The following LARGE2 variants were observed in gnomAD, a reference collection of about 807,000 sequenced individuals.
LARGE2 encodes LARGE xylosyl- and glucuronyltransferase 2.
Under a neutral mutation model 75.3 loss-of-function variants are expected in LARGE2, and 63 were observed. That is an observed-to-expected ratio of 0.84 (90% confidence interval 0.68 to 1.03). The LOEUF (loss-of-function observed/expected upper bound fraction) is 1.03. LARGE2 is among the 50% of genes least tolerant of loss of function. The pLI, the probability that LARGE2 is intolerant of heterozygous loss-of-function variation, is 0.00. For missense variants in LARGE2, 925 were observed against 980.6 expected, an observed-to-expected ratio of 0.94 and a Z score of 0.76; for synonymous variants, 428 against 420.1, an observed-to-expected ratio of 1.02 and a Z score of -0.23.
chr11:45,927,378 G>A lies in LARGE2; in HGVS notation c.1389G>A (p.Leu463=). 1 of 1,614,038 alleles carries A rather than the reference G, an allele frequency of 6.2e-7. No homozygotes were observed. The highest frequency in any genetic ancestry group is 8.5e-7 in the Non-Finnish European group (1 of 1,180,028). The change falls in exon 11 of 14, where the codon CTG becomes CTA. Residue 463 remains leucine, a synonymous_variant. Coordinates refer to ENST00000401752, the MANE Select transcript of LARGE2 (RefSeq NM_001300721.2). ...WPGPMSLALY[L]TDAEAQQFLH... ...GCCCCATGAGCCTGGCCTTGTACCT[G>A]ACAGACGCAGAAGCTCAGCAGTTCC...
Position 45,926,488 on chromosome 11 carries a change from A to T in LARGE2, c.1055A>T (p.His352Leu). 1.2e-6 allele frequency: 2 copies of T among 1,614,138 alleles called. No homozygotes were observed. The highest frequency in any genetic ancestry group is 1.7e-6 in the Non-Finnish European group (2 of 1,180,036). ...SPKKLRVKNK[H>L]VEFFRNFYLT... ...AAGAAGCTTCGGGTGAAGAACAAGCATGTGGAATTCTTCCGCAATTTCTAC... is the reference window on the plus strand; with the variant it reads ...AAGAAGCTTCGGGTGAAGAACAAGCTTGTGGAATTCTTCCGCAATTTCTAC... Residue 352 changes from histidine to leucine, a missense_variant, in exon 9 of 14, where the codon CAT (histidine) becomes CTT (leucine). By Grantham distance (99) the His-to-Leu change is moderately conservative. Around this residue, in one of 3 missense-constraint regions of LARGE2, gnomAD observed 469 missense variants for 503.8 expected, o/e 0.93. Coordinates refer to ENST00000401752, the MANE Select transcript of LARGE2 (RefSeq NM_001300721.2).
Position 45,928,967 on chromosome 11 carries a change from G to T in LARGE2, c.*122G>T. ...GGAAGGGCTGGGGCAGAGCATCTGT[G>T]GGGTGGGGTCTTCCCCTTGCTGCTA... On this transcript the variant is annotated 3_prime_UTR_variant, in exon 14 of 14. Coordinates refer to ENST00000401752, the MANE Select transcript of LARGE2 (RefSeq NM_001300721.2). The T allele has an allele frequency of 1.5e-6, 2 of 1,328,900 alleles. No homozygotes were observed. Among genetic ancestry groups the T allele is most frequent in the Non-Finnish European group, 2.1e-6 (2 of 972,104 alleles). The allele number at this position is 1,328,900 out of a possible 1,614,324, so 82.3% of individuals were successfully genotyped here. A position where few individuals can be genotyped will look rare whatever the true frequency, so the allele number is the denominator to read the frequency against.
chr11:45,924,769 T>C lies in LARGE2; in HGVS notation c.665-16T>C. The C allele has an allele frequency of 6.6e-7, 1 of 1,508,348 alleles. No individual in the cohort carries two copies. The highest frequency in any genetic ancestry group is 8.9e-7 in the Non-Finnish European group (1 of 1,124,544). 93.4% of individuals were successfully genotyped at this position (1,508,348 alleles called of 1,614,324 possible). On this transcript the variant is annotated splice_polypyrimidine_tract_variant and intron_variant, in intron 5 of 13. Coordinates refer to ENST00000401752, the MANE Select transcript of LARGE2 (RefSeq NM_001300721.2). ...GTGGCAGCTTCAGACAGCTCCCTTA[T>C]GCCCTCCCCTCCCAGACACGCAGGC...
chr11:45,928,853 C>T lies in LARGE2; in HGVS notation c.*8C>T, dbSNP rs771117752. The T allele has an allele frequency of 3.1e-6, 5 of 1,612,570 alleles. No individual in the cohort carries two copies. Among genetic ancestry groups the T allele is most frequent in the Non-Finnish European group, 4.2e-6 (5 of 1,179,730 alleles). On this transcript the variant is annotated 3_prime_UTR_variant, in exon 14 of 14. Transcript: ENST00000401752. ...AGCCCTGCCCGAGGCTGAGGCTGGG[C>T]CGGCGCTGCCCCTCATCTTAGCATT...
Position 45,928,243 on chromosome 11 carries a change from G to A in LARGE2, c.1821G>A (p.Pro607=), listed in dbSNP as rs200815481. The change falls in exon 13 of 14, where the codon CCG becomes CCA. Residue 607 remains proline, a synonymous_variant. Transcript: ENST00000401752. The stretch of plus-strand genomic sequence containing the variant: ...CCCGCTGGCGGGAGGCTCAGGCCCC[G>A]TACCGTGTGCAATGGGCGGCCAACT... The part of the protein sequence containing the change: ...DYARWREAQA[P]YRVQWAANYE... The A allele has an allele frequency of 2.6e-5, 42 of 1,613,984 alleles. No individual in the cohort carries two copies. Among genetic ancestry groups the A allele is most frequent in the East Asian group, 8.9e-5 (4 of 44,876 alleles).
chr11:45,923,272 T>C, intron 2 of LARGE2, 105 bp downstream of exon 2: 1 of 1,278,272 alleles, frequency 7.8e-7, no homozygotes, highest in Non-Finnish European at 1.0e-6. Flanking sequence ...TGTCCAGCAC[T>C]GGCCAGCCGG....
rs747783929 is a variant in LARGE2, at chr11:45,928,672, C to G, written c.1993C>G (p.Leu665Val). The change falls in exon 14 of 14, where the codon CTG becomes GTG. Residue 665 changes from leucine to valine, a missense_variant. Leu to Val is a conservative substitution (Grantham distance 32). This residue lies in a region of LARGE2 where 469 missense variants were observed against 503.8 expected (regional missense o/e 0.93). Coordinates refer to ENST00000401752, the MANE Select transcript of LARGE2 (RefSeq NM_001300721.2). Reference protein sequence around the residue: ...LVLPEAFTIHLPHAPSLDISR... With the variant: ...LVLPEAFTIHVPHAPSLDISR... ...GCTGCCCGAGGCCTTCACCATCCAT[C>G]TGCCCCACGCTCCAAGCCTGGACAT... 5.0e-6 allele frequency: 8 copies of G among 1,614,182 alleles called. No homozygotes were observed. The highest frequency in any genetic ancestry group is 6.8e-6 in the Non-Finnish European group (8 of 1,180,036).
intron 5 of LARGE2, 46 bp downstream of exon 5, chr11:45,924,723 C>T: frequency 6.4e-7 from 1 of 1,562,102 alleles, no homozygotes; most frequent in South Asian, 1.2e-5. Context: ...ATCCCTGCAT[C>T]CAGCCCTGAG....
chr11:45,924,411 G>T, intron 4 of LARGE2, 95 bp from the exon 5 acceptor site: 1 of 1,563,044 alleles, frequency 6.4e-7, no homozygotes, highest in Non-Finnish European at 8.6e-7. Flanking sequence ...CTCTTTTGGG[G>T]GTTTACCCCC....
chr11:45,922,256 G>A (rs1413356192), upstream of LARGE2, among the ~76,000 whole-genome samples: 1 of 152,170 alleles, frequency 6.6e-6, no homozygotes, highest in Non-Finnish European at 1.5e-5. Flanking sequence ...TGTCCCCAGA[G>A]CAGGTGTCCC....
At position 45,926,635 on chromosome 11, in the gene LARGE2, T is replaced by C. The variant is rs775371100; in HGVS notation, c.1164+38T>C. ...CACCTTCCCCTGCCCCTCTCTGCTT[T>C]GGTGGGACCCAGCCTTGTCTGGGGG... On this transcript the variant is annotated intron_variant, in intron 9 of 13. Coordinates refer to ENST00000401752, the MANE Select transcript of LARGE2 (RefSeq NM_001300721.2). 4 of 1,613,362 alleles carry C rather than the reference T, an allele frequency of 2.5e-6. No homozygotes were observed. The African/African-American group carries it at 5.3e-5, about 22-fold the overall frequency.
chr11:45,926,233 C>T lies in LARGE2; in HGVS notation c.894C>T (p.Asn298=), dbSNP rs747156575. ...ATSLADQDIF[N]AVIKEHPGLV... ...GTGTCTCTGCTCAGGACATCTTCAA[C>T]GCTGTGATCAAGGAGCACCCGGGGC... The change falls in exon 8 of 14, where the codon AAC becomes AAT. Residue 298 remains asparagine (N), a synonymous_variant. Coordinates refer to ENST00000401752, the MANE Select transcript of LARGE2 (RefSeq NM_001300721.2). 32 of 1,613,980 alleles carry T rather than the reference C, an allele frequency of 2.0e-5. No homozygotes were observed. The East Asian group carries it at 2.7e-4, about 13-fold the overall frequency.
At chr11:45,927,886 C>A in intron 11 of LARGE2, 34 bp from the exon 12 acceptor site, 1 of 1,610,544 alleles carries the variant, frequency 6.2e-7, no homozygotes. Context: ...AGATGCCCCG[C>A]TCTTCTCCCC....
intron 1 of LARGE2, 44 bp from the exon 2 acceptor site, chr11:45,922,777 C>T (rs2086966816): frequency 3.1e-6 from 3 of 980,438 alleles, no homozygotes; most frequent in South Asian, 5.3e-5. Context: ...CGTCGGGCCC[C>T]GCCGCCCAGG....
rs1410407886 is a variant in LARGE2, at chr11:45,922,899, G to GC, written c.22dup (p.Arg8ProfsTer27). ...TCGGCGGCCATGCTGCCCCGAGGGC[G>GC]CCCCCGGGCGCTGGGGGCCGCCGCG... On this transcript the variant is annotated frameshift_variant, in exon 2 of 14. Coordinates refer to ENST00000401752, the MANE Select transcript of LARGE2 (RefSeq NM_001300721.2). LOFTEE classifies it high-confidence loss of function. 1.6e-6 allele frequency: 2 copies of GC among 1,270,156 alleles called. No individual in the cohort carries two copies. The highest frequency in any genetic ancestry group is 3.1e-5 in the African/African-American group (2 of 64,352). 78.7% of individuals were successfully genotyped at this position (1,270,156 alleles called of 1,614,324 possible).
In LARGE2 at chr11:45,928,088, C is replaced by G. The variant is rs1018988678; in HGVS notation, c.1754+19C>G. On this transcript the variant is annotated intron_variant, in intron 12 of 13. Transcript: ENST00000401752. ...CCTTCAGGTAGGAGAGGCTACTTCTCTGCCCACTCCACTCACTTGCCCACA... is the reference window on the plus strand; with the variant it reads ...CCTTCAGGTAGGAGAGGCTACTTCTGTGCCCACTCCACTCACTTGCCCACA... The G allele has an allele frequency of 1.2e-6, 2 of 1,613,142 alleles. No individual in the cohort carries two copies. The highest frequency in any genetic ancestry group is 1.7e-6 in the Non-Finnish European group (2 of 1,179,696).
rs2087243135 is a variant in LARGE2 at position 45,927,686 on chromosome 11, T to A, written c.1604+93T>A. 5.2e-6 allele frequency: 8 copies of A among 1,532,364 alleles called. 1 individual carries two copies. The South Asian group carries it at 9.2e-5, about 18-fold the overall frequency. The allele number at this position is 1,532,364 out of a possible 1,614,324, so 94.9% of individuals were successfully genotyped here. A position where few individuals can be genotyped will look rare whatever the true frequency, so the allele number is the denominator to read the frequency against. ...AGGCTTCCATGTCCCTGCTCCTTTC[T>A]GGGCCTCAGTGGCCTCTGTCAATTG... is the stretch of plus-strand genomic sequence containing the variant. On this transcript the variant is annotated intron_variant, in intron 11 of 13. Transcript: ENST00000401752.
At position 45,926,934 on chromosome 11, in the gene LARGE2, G is replaced by A. The variant is rs916265258; in HGVS notation, c.1325+63G>A. On this transcript the variant is annotated intron_variant, in intron 10 of 13. Coordinates refer to ENST00000401752, the MANE Select transcript of LARGE2 (RefSeq NM_001300721.2). ...GGCTGGGGTTGGACACTTCTGAGAG[G>A]AGGTTCCATCTGGCAGCCTGATGCT... 2.7e-6 allele frequency: 4 copies of A among 1,497,190 alleles called. No homozygotes were observed. The African/African-American group carries it at 5.5e-5, about 21-fold the overall frequency. The allele number at this position is 1,497,190 out of a possible 1,614,324, so 92.7% of individuals were successfully genotyped here.
Position 45,928,910 on chromosome 11 carries a change from A to G in LARGE2, c.*65A>G. ...ACACCAGGGCAACCTGCCCTCCGCCATCCCTGCTATTTAAATTATTTAAGG... is the reference window on the plus strand; with the variant it reads ...ACACCAGGGCAACCTGCCCTCCGCCGTCCCTGCTATTTAAATTATTTAAGG... On this transcript the variant is annotated 3_prime_UTR_variant, in exon 14 of 14. Transcript: ENST00000401752. 2 of 1,581,924 alleles carry G rather than the reference A, an allele frequency of 1.3e-6. No homozygotes were observed. The highest frequency in any genetic ancestry group is 1.7e-6 in the Non-Finnish European group (2 of 1,162,892).
Sources: allele counts gnomAD v4.1 joint callset (sites outside exome capture counted in the v4.1 genomes callset), GRCh38; gene constraint gnomAD v4.1.1; regional missense constraint gnomAD v4.1.1; transcripts MANE v1.5; gene names NCBI Gene and HGNC (gene_info 2026-07-23, HGNC 2026-07-21).